CLIP1: variants seen among roughly 807,000 people sequenced by gnomAD.
The protein encoded by CLIP1 is CAP-Gly domain-containing linker protein 1.
A neutral mutation model predicts 161.6 loss-of-function variants in CLIP1; 66 were observed. The observed-to-expected ratio is 0.41, with a 90% confidence interval of 0.33 to 0.50. The LOEUF is 0.50. CLIP1 is among the 20% of genes least tolerant of loss of function. The probability of loss-of-function intolerance (pLI) is 0.27; values close to 1 mark genes in which losing one functional copy is unlikely to be tolerated. For synonymous variants in CLIP1, 598 were observed against 626.2 expected, an observed-to-expected ratio of 0.96 and a Z score of 0.67; for missense variants, 1,376 against 1,702.0, an observed-to-expected ratio of 0.81 and a Z score of 3.37.
At chr12:122,309,709 A>G (rs565498644) in intron 20 of CLIP1, 53 bp downstream of exon 20, 2 of 1,603,482 alleles carry the variant, frequency 1.2e-6, no homozygotes, top group South Asian at 2.2e-5. Context: ...TGCTGCCAAC[A>G]GCAGCAGCAC....
intron 7 of CLIP1, 105 bp downstream of exon 7, chr12:122,354,348 T>C (rs1487935311): frequency 9.6e-6 from 7 of 732,886 alleles, no homozygotes; most frequent in African/African-American, 3.5e-5. Flanking sequence ...TGAGCTGAGA[T>C]TGCACCACTG....
Position 122,354,567 on chromosome 12 carries a change from C to A in CLIP1, c.1204-11G>T. ...CAATTCCAGGACATGCTGGGGAAGG[C>A]AAGAATGTCGGTAAATGGACTATTT... is the stretch of plus-strand genomic sequence containing the variant. On this transcript the variant is annotated splice_polypyrimidine_tract_variant and intron_variant, in intron 6 of 25. Coordinates refer to ENST00000620786, the MANE Select transcript of CLIP1 (RefSeq NM_001247997.2). 1 of 1,607,412 alleles carries A rather than the reference C, an allele frequency of 6.2e-7. No individual in the cohort carries two copies. The highest frequency in any genetic ancestry group is 8.5e-7 in the Non-Finnish European group (1 of 1,174,222).
intron 19 of CLIP1, among the ~76,000 whole-genome samples, chr12:122,315,384 G>A (rs959677371): frequency 3.3e-5 from 5 of 151,992 alleles, no homozygotes; most frequent in African/African-American, 9.7e-5. Flanking sequence ...AGGTTAATAC[G>A]GTTGATACAG....
intron 24 of CLIP1, chr12:122,276,565 C>G: frequency 1.1e-5 from 12 of 1,109,212 alleles, no homozygotes; most frequent in Non-Finnish European, 1.3e-5. Context: ...CAATGCTAAT[C>G]CATGGTAAGT....
rs548540797 is a variant in CLIP1 at position 122,283,641 on chromosome 12, T to G, written c.3648-4496A>C. ...ACCCAGCTAATTTTTGTATTTTTAGTAGAGATGGGGTTTCACCATGTTGGC... is the reference window on the plus strand; with the variant it reads ...ACCCAGCTAATTTTTGTATTTTTAGGAGAGATGGGGTTTCACCATGTTGGC... On this transcript the variant is annotated intron_variant, in intron 21 of 25. Transcript: ENST00000620786. 2.0e-3 allele frequency among the ~76,000 whole-genome samples: 300 copies of G among 152,118 alleles called. 4 individuals are homozygous for G. The highest frequency in any genetic ancestry group is 7.0e-3 in the African/African-American group (290 of 41,506).
intron 15 of CLIP1, among the ~76,000 whole-genome samples, chr12:122,331,016 T>A (rs1446613728): frequency 0.015 from 2,197 of 151,316 alleles, 46 homozygotes; most frequent in African/African-American, 0.05. Flanking sequence ...TTTTATTATT[T>A]ATTTATTTTT....
Position 122,377,952 on chromosome 12 carries a change from G to A in CLIP1, c.94C>T (p.Pro32Ser), listed in dbSNP as rs1188144751. The change falls in exon 3 of 26, where the codon CCA becomes TCA. Residue 32 changes from proline (P) to serine (S), a missense_variant. Pro to Ser is a moderately conservative substitution (Grantham distance 74). Transcript: ENST00000620786. ...TCACTGGATATGGTTTTTTCTACTG[G>A]AGCTACAACTGAAAACAAAAGATCA... ...ALKTPTAVVA[P>S]VEKTISSEKA... The A allele has an allele frequency of 1.9e-6, 3 of 1,600,612 alleles. No individual in the cohort carries two copies. In the Admixed American group the frequency reaches 5.3e-5, roughly 28 times the overall value.
intron 4 of CLIP1, among the ~76,000 whole-genome samples, chr12:122,361,824 T>C (rs1270458821): frequency 6.6e-6 from 1 of 152,212 alleles, no homozygotes; most frequent in Non-Finnish European, 1.5e-5. Flanking sequence ...GGGTGGACTC[T>C]GTCTCAAAAC....
intron 1 of CLIP1, among the ~76,000 whole-genome samples, chr12:122,414,700 G>GT (rs1956664295): frequency 1.3e-5 from 2 of 151,962 alleles, no homozygotes; most frequent in South Asian, 4.1e-4. Flanking sequence ...TCTTGACCTT[G>GT]TGATGCACCC....
rs187531728 is a variant in CLIP1 at position 122,354,435 on chromosome 12, G to A, written c.1307+18C>T. The stretch of plus-strand genomic sequence containing the variant: ...GGGGGAAAGGCCACACTTGCACCAG[G>A]AAACAGTCTGGGGTCACCTTTTCTC... On this transcript the variant is annotated intron_variant, in intron 7 of 25. Coordinates refer to ENST00000620786, the MANE Select transcript of CLIP1 (RefSeq NM_001247997.2). The A allele has an allele frequency of 2.3e-5, 37 of 1,602,304 alleles. No individual in the cohort carries two copies. The highest frequency in any genetic ancestry group is 1.9e-4 in the African/African-American group (14 of 74,756).
chr12:122,301,355 C>G (rs1299661616), intron 20 of CLIP1, among the ~76,000 whole-genome samples: 3 of 152,170 alleles, frequency 2.0e-5, no homozygotes, highest in Admixed American at 6.5e-5. Flanking sequence ...AAGTTTGAAA[C>G]AATTTCCAAA....
chr12:122,414,128 GGTTTGTTTTTTGTTT>G (rs1437549219), intron 1 of CLIP1, among the ~76,000 whole-genome samples: 1 of 151,862 alleles, frequency 6.6e-6, no homozygotes, highest in Non-Finnish European at 1.5e-5. Context: ...TGGTTTTGGG[GGTTTGTTTTTTGTTT>G]GTTTGTTTTT....
chr12:122,313,524 C>T (rs372772638), intron 19 of CLIP1, among the ~76,000 whole-genome samples: 221 of 151,690 alleles, frequency 1.5e-3, no homozygotes, highest in African/African-American at 4.9e-3. Context: ...GTTGGTAGTT[C>T]GAGACCAGCC....
At chr12:122,384,433 C>T (rs970944966) in intron 1 of CLIP1, among the ~76,000 whole-genome samples, 1 of 152,098 alleles carries the variant, frequency 6.6e-6, no homozygotes, top group Admixed American at 6.6e-5. Flanking sequence ...TGACGATCTA[C>T]AAGGTTAAGT....
intron 1 of CLIP1, among the ~76,000 whole-genome samples, chr12:122,414,995 C>G (rs915909209): frequency 2.6e-5 from 4 of 151,686 alleles, no homozygotes; most frequent in African/African-American, 9.7e-5. Context: ...GAGGTGGAGG[C>G]TGCAGTGAGT....
At position 122,278,802 on chromosome 12, in the gene CLIP1, G is replaced by A; in HGVS notation, c.3906C>T (p.Ser1302=). The part of the protein sequence containing the change: ...LQLKENKRQL[S]SSSGNTDTQA... The stretch of plus-strand genomic sequence containing the variant: ...GCAGGCGCCCTTTACCTGAGGAGCT[G>A]CTGAGCTGCCTCTTGTTTTCTTTGA... Residue 1302 remains serine, a synonymous_variant, in exon 23 of 26, where the codon AGC becomes AGT. Coordinates refer to ENST00000620786, the MANE Select transcript of CLIP1 (RefSeq NM_001247997.2). 1.2e-6 allele frequency: 2 copies of A among 1,600,662 alleles called. No homozygotes were observed. The highest frequency in any genetic ancestry group is 1.1e-5 in the South Asian group (1 of 89,570).
At chr12:122,378,736 T>G (rs1954863511) in intron 2 of CLIP1, among the ~76,000 whole-genome samples, 1 of 152,162 alleles carries the variant, frequency 6.6e-6, no homozygotes. Flanking sequence ...GGCTCACGCC[T>G]GTAATCCCAC....
intron 15 of CLIP1, among the ~76,000 whole-genome samples, chr12:122,329,406 G>A (rs753763060): frequency 1.1e-4 from 17 of 151,728 alleles, no homozygotes; most frequent in Non-Finnish European, 2.1e-4. Context: ...ATGGGGGGGC[G>A]GATCACGAGG....
At chr12:122,410,446 GACAC>G (rs1422268493) in intron 1 of CLIP1, among the ~76,000 whole-genome samples, 57 of 145,362 alleles carry the variant, frequency 3.9e-4, no homozygotes, top group African/African-American at 1.4e-3. Flanking sequence ...TATACACACA[GACAC>G]ACACACACTT....
Sources: gnomAD v4.1 joint callset for allele counts (sites outside exome capture counted in the v4.1 genomes callset) on GRCh38, gnomAD v4.1.1 for gene constraint, MANE v1.5 for transcripts, NCBI Gene and HGNC (gene_info 2026-07-23, HGNC 2026-07-21) for gene names.